Variants in SLC46A1 observed in about 807,000 individuals in gnomAD.
SLC46A1 encodes proton-coupled folate transporter.
SLC46A1 carries 17 observed loss-of-function variants against 32.1 expected under a neutral mutation model. The ratio of observed to expected loss-of-function variants is 0.53; its 90% CI spans 0.36 to 0.79. SLC46A1 has a LOEUF of 0.79. SLC46A1 is among the 30% of genes least tolerant of loss of function. The pLI, the probability that SLC46A1 is intolerant of heterozygous loss-of-function variation, is 0.00. For synonymous variants in SLC46A1, 240 were observed against 262.7 expected (o/e 0.91, Z 0.84); for missense variants, 517 against 588.2 (o/e 0.88, Z 1.25).
intron 4 of SLC46A1, 116 bp from the exon 5 acceptor site, chr17:28,399,829 C>A: frequency 1.0e-6 from 1 of 978,382 alleles, no homozygotes; most frequent in East Asian, 2.4e-5. Context: ...TCCTGAACCT[C>A]CTCCTTCCCC....
intron 1 of SLC46A1, 178 bp downstream of exon 1, chr17:28,405,709 T>C: frequency 2.1e-6 from 2 of 962,768 alleles, no homozygotes; most frequent in Non-Finnish European, 3.0e-6. Flanking sequence ...GCTCAGCTTT[T>C]CGCATCCCAC....
rs41297081 is a variant in SLC46A1, at chr17:28,404,967, T to G, written c.730A>C (p.Thr244Pro). 1 of 1,613,752 alleles carries G rather than the reference T, an allele frequency of 6.2e-7. No individual in the cohort carries two copies. Among genetic ancestry groups the G allele is most frequent in the Admixed American group, 1.7e-5 (1 of 59,984 alleles). Residue 244 changes from threonine (T) to proline (P), a missense_variant, in exon 2 of 5, where the codon ACG becomes CCG. Transcript: ENST00000612814. Reference protein sequence around the residue: ...LKEPKSTRLFTFRHHRSIVQL... With the variant: ...LKEPKSTRLFPFRHHRSIVQL... The stretch of plus-strand genomic sequence containing the variant: ...ACAATGGATCGGTGGTGACGGAACG[T>G]GAAGAGCCGGGTGGACTTTGGCTCC...
In SLC46A1 at chr17:28,396,675, G is replaced by T; in HGVS notation, c.*2981C>A. On this transcript the variant is annotated 3_prime_UTR_variant, in exon 5 of 5. Transcript: ENST00000612814. The stretch of plus-strand genomic sequence containing the variant: ...AAGGCAGCCTCAGACAGGAATTAAG[G>T]CAATGCCCAGGCGGGCCTGGGCACT... The T allele has an allele frequency of 4.7e-6, 1 of 214,412 alleles. No homozygotes were observed. The highest frequency in any genetic ancestry group is 8.6e-5 in the South Asian group (1 of 11,568). 13.3% of individuals were successfully genotyped at this position (214,412 alleles called of 1,614,324 possible). A position where few individuals can be genotyped will look rare whatever the true frequency, so the allele number is the denominator to read the frequency against.
rs2068113008 is a variant in SLC46A1 at position 28,395,732 on chromosome 17, ATATT to A, written c.*3920_*3923del. On this transcript the variant is annotated 3_prime_UTR_variant, in exon 5 of 5. Transcript: ENST00000612814. Reference sequence around the variant, plus strand: ...GCCAGGAACTCTGGGCAAAGGAAAAATATTTATTTTTTATTACACTACAAGGGTT... The same window carrying A: ...GCCAGGAACTCTGGGCAAAGGAAAAATATTTTTTATTACACTACAAGGGTT... 1 of 648,444 alleles carries A rather than the reference ATATT, an allele frequency of 1.5e-6. No homozygotes were observed. The highest frequency in any genetic ancestry group is 1.8e-5 in the African/African-American group (1 of 54,698). 40.2% of individuals were successfully genotyped at this position (648,444 alleles called of 1,614,324 possible).
intron 4 of SLC46A1, 34 bp from the exon 5 acceptor site, chr17:28,399,747 T>C: frequency 6.2e-7 from 1 of 1,612,738 alleles, no homozygotes; most frequent in South Asian, 1.1e-5. Context: ...TTGGATTTCA[T>C]GTGGGGAACC....
In SLC46A1 at chr17:28,396,072, C is replaced by A; in HGVS notation, c.*3584G>T. ...ACCAGGGGGGTAGGGTACAAATCAC[C>A]ATGACAGGCAGAGTGTGGGCAAACA... is the stretch of plus-strand genomic sequence containing the variant. On this transcript the variant is annotated 3_prime_UTR_variant, in exon 5 of 5. Coordinates refer to ENST00000612814, the MANE Select transcript of SLC46A1 (RefSeq NM_080669.6). The A allele has an allele frequency of 6.2e-7, 1 of 1,613,500 alleles. No individual in the cohort carries two copies. Among genetic ancestry groups the A allele is most frequent in the Non-Finnish European group, 8.5e-7 (1 of 1,179,612 alleles).
intron 4 of SLC46A1, chr17:28,400,268 G>T (rs1388474661): frequency 3.0e-5 from 9 of 299,112 alleles, no homozygotes; most frequent in Non-Finnish European, 5.7e-5. Context: ...GCCACAACTA[G>T]CTGACAAAGC....
intron 2 of SLC46A1, chr17:28,404,359 G>C: frequency 1.9e-6 from 1 of 536,418 alleles, no homozygotes; most frequent in South Asian, 2.0e-5. Flanking sequence ...TTTGTCTTTT[G>C]CTCTATATTA....
Position 28,394,783 on chromosome 17 carries a change from C to G in SLC46A1, c.*4873G>C, listed in dbSNP as rs143365131. ...ATTGACTCCAAAGGCATGGGGTGAGCATTCCAAACTGGAGAAGTTAAGGTT... is the reference window on the plus strand; with the variant it reads ...ATTGACTCCAAAGGCATGGGGTGAGGATTCCAAACTGGAGAAGTTAAGGTT... On this transcript the variant is annotated 3_prime_UTR_variant, in exon 5 of 5. Transcript: ENST00000612814. 6.6e-6 allele frequency: 1 copy of G among 152,318 alleles called. No individual in the cohort carries two copies. Among genetic ancestry groups the G allele is most frequent in the Non-Finnish European group, 1.5e-5 (1 of 68,034 alleles). The allele number at this position is 152,318 out of a possible 1,614,324, so 9.4% of individuals were successfully genotyped here.
chr17:28,406,289 C>T (rs1365892356), upstream of SLC46A1: 8 of 481,750 alleles, frequency 1.7e-5, no homozygotes, highest in Middle Eastern at 5.7e-4. The surrounding 1 kb of genome is among the most constrained non-coding windows in gnomAD (Gnocchi z 4.5). Flanking sequence ...ACTCTCGCCG[C>T]GGGTGCACCT....
At position 28,396,050 on chromosome 17, in the gene SLC46A1, AG is replaced by A. The variant is rs782475690; in HGVS notation, c.*3605del. The A allele has an allele frequency of 1.2e-5, 20 of 1,613,508 alleles. No homozygotes were observed. Among genetic ancestry groups the A allele is most frequent in the Non-Finnish European group, 1.7e-5 (20 of 1,179,726 alleles). ...AAGTGAGCCCCAGGGCCCTGGGACC[AG>A]GGGGGTAGGGTACAAATCACCATGA... On this transcript the variant is annotated 3_prime_UTR_variant, in exon 5 of 5. Coordinates refer to ENST00000612814, the MANE Select transcript of SLC46A1 (RefSeq NM_080669.6).
Position 28,399,413 on chromosome 17 carries a change from A to G in SLC46A1, c.*243T>C. 1 of 539,158 alleles carries G rather than the reference A, an allele frequency of 1.9e-6. No individual in the cohort carries two copies. The highest frequency in any genetic ancestry group is 3.3e-6 in the Non-Finnish European group (1 of 301,048). The allele number at this position is 539,158 out of a possible 1,614,324, so 33.4% of individuals were successfully genotyped here. A position where few individuals can be genotyped will look rare whatever the true frequency, so the allele number is the denominator to read the frequency against. On this transcript the variant is annotated 3_prime_UTR_variant, in exon 5 of 5. Coordinates refer to ENST00000612814, the MANE Select transcript of SLC46A1 (RefSeq NM_080669.6). ...GGGAGAACTGACTCCTGTCCCAAAT[A>G]GCTCCTCTGCCACCTGTCCTGCAGT...
Position 28,396,269 on chromosome 17 carries a change from C to A in SLC46A1, c.*3387G>T. On this transcript the variant is annotated 3_prime_UTR_variant, in exon 5 of 5. Transcript: ENST00000612814. ...TGACACCAGTTTGGAGGGTGCTGCA[C>A]CCATGGGTCCAACCTAACCAGTCCC... 3 of 1,614,004 alleles carry A rather than the reference C, an allele frequency of 1.9e-6. No homozygotes were observed. Among genetic ancestry groups the A allele is most frequent in the Non-Finnish European group, 2.5e-6 (3 of 1,179,886 alleles).
chr17:28,405,499 C>A, intron 1 of SLC46A1, 31 bp from the exon 2 acceptor site: 1 of 1,587,874 alleles, frequency 6.3e-7, no homozygotes, highest in Non-Finnish European at 8.6e-7. Flanking sequence ...GGGTGCGGTT[C>A]CTCACTCTGG....
At position 28,404,636 on chromosome 17, in the gene SLC46A1, A is replaced by C. The variant is rs1567818058; in HGVS notation, c.1061T>G (p.Ile354Ser). 1 of 1,610,936 alleles carries C rather than the reference A, an allele frequency of 6.2e-7. No homozygotes were observed. The highest frequency in any genetic ancestry group is 8.5e-7 in the Non-Finnish European group (1 of 1,177,544). Residue 354 changes from isoleucine (I) to serine (S), a missense_variant, in exon 2 of 5, where the codon ATC (isoleucine) becomes AGC (serine). Physicochemically the swap from Ile to Ser is moderately radical, Grantham distance 142. Transcript: ENST00000612814. ...LGMVVFAFATITPLMFTGYGL... is the reference protein window; with the variant it reads ...LGMVVFAFATSTPLMFTGYGL... ...TTTACCTGTGAACATGAGAGGCGTG[A>C]TAGTGGCAAAGGCAAAGACCACCAT... is the stretch of plus-strand genomic sequence containing the variant.
intron 3 of SLC46A1, 86 bp from the exon 4 acceptor site, chr17:28,400,852 G>A: frequency 8.0e-7 from 1 of 1,254,494 alleles, no homozygotes; most frequent in Non-Finnish European, 1.1e-6. Flanking sequence ...GTGTGACCGG[G>A]AGTAGTCACT....
Position 28,405,288 on chromosome 17 carries a change from G to T in SLC46A1, c.409C>A (p.Leu137Met). Residue 137 changes from leucine to methionine, a missense_variant, in exon 2 of 5, where the codon CTG (leucine) becomes ATG (methionine). Physicochemically the swap from Leu to Met is conservative, Grantham distance 15 (BLOSUM62 2). Coordinates refer to ENST00000612814, the MANE Select transcript of SLC46A1 (RefSeq NM_080669.6). The stretch of plus-strand genomic sequence containing the variant: ...ACGAAGTAGCCGACGTGGAGCTGCA[G>T]CTGCACCACAAAAACGGACACTAGG... Reference protein sequence around the residue: ...QALVSVFVVQLQLHVGYFVLG... With the variant: ...QALVSVFVVQMQLHVGYFVLG... 2 of 1,588,976 alleles carry T rather than the reference G, an allele frequency of 1.3e-6. No individual in the cohort carries two copies. Among genetic ancestry groups the T allele is most frequent in the South Asian group, 1.1e-5 (1 of 87,442 alleles).
chr17:28,395,917 G>T lies in SLC46A1; in HGVS notation c.*3739C>A, dbSNP rs782676389. 9 of 1,613,874 alleles carry T rather than the reference G, an allele frequency of 5.6e-6. No homozygotes were observed. The highest frequency in any genetic ancestry group is 1.7e-5 in the Admixed American group (1 of 60,014). On this transcript the variant is annotated 3_prime_UTR_variant, in exon 5 of 5. Transcript: ENST00000612814. ...TTTCTTTCTCCAGGAGATTGTGACT[G>T]CTTTAAGCTGCGGCAAGAACATTGT...
At position 28,399,679 on chromosome 17, in the gene SLC46A1, G is replaced by A. The variant is rs2068172605; in HGVS notation, c.1357C>T (p.Gln453Ter). The change falls in exon 5 of 5, where the codon CAG becomes TAG. Residue 453 changes from glutamine to a stop codon, truncating the protein, a stop_gained. Transcript: ENST00000612814. LOFTEE classifies it high-confidence loss of function. The part of the protein sequence containing the change: ...LEKADPHLEF[Q>*]QFPQSP ...GATCAGGGGCTCTGGGGAAACTGCT[G>A]GAACTCGAGGTGAGGATCAGCCTTT... The A allele has an allele frequency of 2.5e-6, 4 of 1,613,974 alleles. No individual in the cohort carries two copies. Among genetic ancestry groups the A allele is most frequent in the East Asian group, 2.2e-5 (1 of 44,884 alleles).
Sources: allele counts gnomAD v4.1 joint callset, GRCh38; gene constraint gnomAD v4.1.1; non-coding constraint Gnocchi (gnomAD v3.1); transcripts MANE v1.5; gene names NCBI Gene and HGNC (gene_info 2026-07-23, HGNC 2026-07-21).